Variants in CCAR2 observed in about 807,000 individuals in gnomAD.
CCAR2 encodes the protein cell cycle and apoptosis regulator protein 2.
A neutral mutation model predicts 108.1 loss-of-function variants in CCAR2; 21 were observed. The ratio of observed to expected loss-of-function variants is 0.19; its 90% CI spans 0.14 to 0.28. The LOEUF is 0.28. Among genes scored for constraint, CCAR2 ranks in the 10% least tolerant of loss-of-function variants. The pLI is 1.00. For missense variants in CCAR2, 1,126 were observed against 1,177.0 expected, an observed-to-expected ratio of 0.96 and a Z score of 0.63; for synonymous variants, 577 against 472.8, an observed-to-expected ratio of 1.22 and a Z score of -2.86.
Position 22,606,084 on chromosome 8 carries a change from G to A in CCAR2, c.59-1G>A, listed in dbSNP as rs773939286. 1 of 1,613,420 alleles carries A rather than the reference G, an allele frequency of 6.2e-7. No individual in the cohort carries two copies. Among genetic ancestry groups the A allele is most frequent in the Non-Finnish European group, 8.5e-7 (1 of 1,179,344 alleles). Reference sequence around the variant, plus strand: ...TGGAGATTGCTTCTCTTTCCCCATAGGCACAGCTTCAACATCTCTTCTGGG... The same window carrying A: ...TGGAGATTGCTTCTCTTTCCCCATAAGCACAGCTTCAACATCTCTTCTGGG... On this transcript the variant is annotated splice_acceptor_variant, in intron 2 of 20. Transcript: ENST00000308511. LOFTEE classifies it high-confidence loss of function.
chr8:22,615,839 G>A lies in CCAR2; in HGVS notation c.1535G>A (p.Arg512His), dbSNP rs201363003. The A allele has an allele frequency of 1.3e-4, 212 of 1,613,822 alleles. No homozygotes were observed. The highest frequency in any genetic ancestry group is 1.7e-4 in the Non-Finnish European group (199 of 1,180,010). ...CCCCTAGAACCTGCTGTCATCGCAC[G>A]CCCTGGCTGTGTAAACCTGTCCCTC... Reference protein sequence around the residue: ...PPPLEPAVIARPGCVNLSLHG... With the variant: ...PPPLEPAVIAHPGCVNLSLHG... The change falls in exon 13 of 21, where the codon CGC (arginine) becomes CAC (histidine). Residue 512 changes from arginine to histidine, a missense_variant. Coordinates refer to ENST00000308511, the MANE Select transcript of CCAR2 (RefSeq NM_001393997.1).
At chr8:22,612,165 T>G (rs1459742801) in intron 7 of CCAR2, among the ~76,000 whole-genome samples, 2 of 152,254 alleles carry the variant, frequency 1.3e-5, no homozygotes, top group African/African-American at 4.8e-5. Flanking sequence ...CAGGCTGGTC[T>G]TGAACTCCCG....
chr8:22,607,141 G>A (rs904552467), intron 5 of CCAR2, 55 bp from the exon 6 acceptor site: 1 of 1,610,664 alleles, frequency 6.2e-7, no homozygotes, highest in Middle Eastern at 1.7e-4. Context: ...TCTTTCCAAG[G>A]TAGTGAGTGC....
chr8:22,617,748 A>G lies in CCAR2; in HGVS notation c.2043A>G (p.Ser681=). 6.2e-7 allele frequency: 1 copy of G among 1,614,000 alleles called. No homozygotes were observed. Among genetic ancestry groups the G allele is most frequent in the Non-Finnish European group, 8.5e-7 (1 of 1,180,012 alleles). ...SEVRSVASNQ[S]EMEFSSLQDM... ...TCCGGTCCGTTGCCTCAAACCAGTC[A>G]GAGATGGAGTTCTCTTCACTTCAGG... The change falls in exon 16 of 21, where the codon TCA becomes TCG. Residue 681 remains serine, a synonymous_variant. Transcript: ENST00000308511.
intron 9 of CCAR2, 25 bp from the exon 10 acceptor site, chr8:22,614,365 G>C: frequency 6.2e-7 from 1 of 1,613,854 alleles, no homozygotes; most frequent in Non-Finnish European, 8.5e-7. Context: ...GCTGAAGGCA[G>C]CTCTGAGTGT....
At position 22,619,790 on chromosome 8, in the gene CCAR2, A is replaced by G; in HGVS notation, c.*108A>G. Reference sequence around the variant, plus strand: ...GAGAGCGAGACCTGGGAGCCAGGGCAGGGGTGGCTGACCCCATGCTCAGCC... The same window carrying G: ...GAGAGCGAGACCTGGGAGCCAGGGCGGGGGTGGCTGACCCCATGCTCAGCC... On this transcript the variant is annotated 3_prime_UTR_variant, in exon 21 of 21. Coordinates refer to ENST00000308511, the MANE Select transcript of CCAR2 (RefSeq NM_001393997.1). The G allele has an allele frequency of 7.9e-7, 1 of 1,258,212 alleles. No individual in the cohort carries two copies. Among genetic ancestry groups the G allele is most frequent in the Non-Finnish European group, 1.1e-6 (1 of 894,038 alleles). The allele number at this position is 1,258,212 out of a possible 1,614,324, so 77.9% of individuals were successfully genotyped here. A position where few individuals can be genotyped will look rare whatever the true frequency, so the allele number is the denominator to read the frequency against.
At chr8:22,609,452 C>T (rs560883846) in intron 7 of CCAR2, among the ~76,000 whole-genome samples, 1 of 152,194 alleles carries the variant, frequency 6.6e-6, no homozygotes. Context: ...ACGCCCGGCC[C>T]ATTGTGAATT....
At position 22,618,682 on chromosome 8, in the gene CCAR2, C is replaced by T. The variant is rs1348351226; in HGVS notation, c.2286C>T (p.Ser762=). 1.2e-5 allele frequency: 19 copies of T among 1,613,960 alleles called. No homozygotes were observed. Among genetic ancestry groups the T allele is most frequent in the Non-Finnish European group, 1.5e-5 (18 of 1,180,034 alleles). The change falls in exon 18 of 21, where the codon AGC becomes AGT. Residue 762 remains serine, a synonymous_variant. Coordinates refer to ENST00000308511, the MANE Select transcript of CCAR2 (RefSeq NM_001393997.1). ...NICQYRSLQY[S]RQEGLDGGLP... The stretch of plus-strand genomic sequence containing the variant: ...GCCAGTACCGGAGCCTTCAGTACAG[C>T]CGCCAGGAGGGCCTGGATGGTGGCC...
intron 20 of CCAR2, 135 bp from the exon 21 acceptor site, chr8:22,619,503 T>C: frequency 2.1e-6 from 3 of 1,396,916 alleles, no homozygotes; most frequent in South Asian, 1.3e-5. Context: ...AGTGTGCCCC[T>C]GGTTGCAGGT....
At position 22,616,149 on chromosome 8, in the gene CCAR2, A is replaced by C. The variant is rs1045115544; in HGVS notation, c.1746A>C (p.Glu582Asp). 2 of 1,613,818 alleles carry C rather than the reference A, an allele frequency of 1.2e-6. No individual in the cohort carries two copies. The highest frequency in any genetic ancestry group is 1.7e-5 in the Admixed American group (1 of 59,984). The change falls in exon 14 of 21, where the codon GAA becomes GAC. Residue 582 changes from glutamate to aspartate, a missense_variant. Around this residue, in one of 4 missense-constraint regions of CCAR2, gnomAD observed 1,013 missense variants for 993.9 expected, o/e 1.02. Transcript: ENST00000308511. ...EPEKEEAAKE[E>D]ATKEEEAIKE... ...AGAAGGAGGAGGCGGCCAAGGAAGA[A>C]GCCACCAAGGAGGAAGAAGCCATCA... is the stretch of plus-strand genomic sequence containing the variant.
Position 22,608,191 on chromosome 8 carries a change from A to G in CCAR2, c.584+126A>G, listed in dbSNP as rs115834929. The G allele has an allele frequency of 2.1e-3, 1,459 of 681,172 alleles. 25 individuals carry two copies. In the African/African-American group the frequency reaches 0.024, roughly 11 times the overall value. The allele number at this position is 681,172 out of a possible 1,614,324, so 42.2% of individuals were successfully genotyped here. The stretch of plus-strand genomic sequence containing the variant: ...AACTGCTTGGAAGGTGGCTATGCTT[A>G]CCACTAACATTCTTTGCCTGCAGCT... On this transcript the variant is annotated intron_variant, in intron 7 of 20. Coordinates refer to ENST00000308511, the MANE Select transcript of CCAR2 (RefSeq NM_001393997.1).
At chr8:22,607,115 G>A in intron 5 of CCAR2, 81 bp from the exon 6 acceptor site, 2 of 1,607,228 alleles carry the variant, frequency 1.2e-6, no homozygotes, top group South Asian at 2.2e-5. Context: ...ACTTTTGTCA[G>A]GGGGGTGGGA....
chr8:22,615,949 G>A (rs200614698), intron 13 of CCAR2, 37 bp downstream of exon 13: 3 of 1,612,998 alleles, frequency 1.9e-6, no homozygotes, highest in Admixed American at 1.7e-5. Flanking sequence ...TGTGGGCTGG[G>A]ATTTGTGGGC....
At chr8:22,611,057 A>C (rs925512833) in intron 7 of CCAR2, among the ~76,000 whole-genome samples, 17 of 150,040 alleles carry the variant, frequency 1.1e-4, no homozygotes, top group Admixed American at 6.6e-4. Flanking sequence ...AATACATAAA[A>C]TTAAAATAAT....
chr8:22,615,305 G>C, intron 11 of CCAR2, 120 bp from the exon 12 acceptor site: 1 of 1,257,634 alleles, frequency 8.0e-7, no homozygotes, highest in Non-Finnish European at 1.1e-6. Context: ...TGTCTTCAAA[G>C]CTTGGTTCGC....
Position 22,618,621 on chromosome 8 carries a change from A to G in CCAR2, c.2225A>G (p.Lys742Arg). ...CAGCAGATGTGTTTTCTGCAGGCCA[A>G]GCAGCTGGTCAGCAGGGTGGTGACC... is the stretch of plus-strand genomic sequence containing the variant. ...LGIRLSAEQA[K>R]QLVSRVVTQN... Residue 742 changes from lysine to arginine, a missense_variant, in exon 18 of 21, where the codon AAG (lysine) becomes AGG (arginine). By Grantham distance (26) the Lys-to-Arg change is conservative. Coordinates refer to ENST00000308511, the MANE Select transcript of CCAR2 (RefSeq NM_001393997.1). 1 of 1,614,140 alleles carries G rather than the reference A, an allele frequency of 6.2e-7. No individual in the cohort carries two copies. Among genetic ancestry groups the G allele is most frequent in the Non-Finnish European group, 8.5e-7 (1 of 1,180,030 alleles).
rs757981337 is a variant in CCAR2, at chr8:22,616,005, C to T, written c.1609-7C>T. On this transcript the variant is annotated splice_region_variant and splice_polypyrimidine_tract_variant and intron_variant, in intron 13 of 20. Coordinates refer to ENST00000308511, the MANE Select transcript of CCAR2 (RefSeq NM_001393997.1). ...GATGCTCATGGACCCTCCCACCTCCCCATCAGGTGATGGTGCTGGCCGAGC... is the reference window on the plus strand; with the variant it reads ...GATGCTCATGGACCCTCCCACCTCCTCATCAGGTGATGGTGCTGGCCGAGC... 6.2e-6 allele frequency: 10 copies of T among 1,613,762 alleles called. No homozygotes were observed. The African/African-American group carries it at 9.3e-5, about 15-fold the overall frequency.
intron 2 of CCAR2, 79 bp downstream of exon 2, chr8:22,605,910 A>G: frequency 6.9e-7 from 1 of 1,447,466 alleles, no homozygotes; most frequent in South Asian, 1.2e-5. Context: ...CCTGGTGGAG[A>G]GCAATTTGCT....
At chr8:22,611,420 A>G (rs866724442) in intron 7 of CCAR2, among the ~76,000 whole-genome samples, 5,758 of 83,006 alleles carry the variant, frequency 0.069, 137 homozygotes, top group Middle Eastern at 0.13. Flanking sequence ...GTGTGTATAT[A>G]TGTGTGTATA....
Sources: allele counts gnomAD v4.1 joint callset (sites outside exome capture counted in the v4.1 genomes callset), GRCh38; gene constraint gnomAD v4.1.1; regional missense constraint gnomAD v4.1.1; transcripts MANE v1.5; gene names NCBI Gene and HGNC (gene_info 2026-07-23, HGNC 2026-07-21).